The following ZEB1 variants were observed in gnomAD, a reference collection of about 807,000 sequenced individuals.
ZEB1 encodes zinc finger E-box binding homeobox 1.
In ZEB1, 21 loss-of-function variants were observed where a neutral mutation model predicts 84.9. The observed-to-expected ratio is 0.25, with a 90% CI of 0.18 to 0.36. ZEB1 has a LOEUF of 0.36. Ranked by LOEUF, ZEB1 falls within the 10% of genes least tolerant of loss-of-function variation. The pLI is 1.00. For synonymous variants in ZEB1, 420 were observed against 471.1 expected, an observed-to-expected ratio of 0.89 and a Z score of 1.41; for missense variants, 1,104 against 1,330.2, an observed-to-expected ratio of 0.83 and a Z score of 2.65.
At chr10:31,472,131 C>G (rs1015193316) in intron 2 of ZEB1, among the ~76,000 whole-genome samples, 25 of 151,138 alleles carry the variant, frequency 1.7e-4, no homozygotes, top group Non-Finnish European at 2.9e-4. Flanking sequence ...AATTGACACC[C>G]TAACATCACA....
intron 1 of ZEB1, among the ~76,000 whole-genome samples, chr10:31,441,971 T>C (rs2059053049): frequency 6.6e-6 from 1 of 152,196 alleles, no homozygotes; most frequent in Admixed American, 6.5e-5. Flanking sequence ...GACTGTAAAC[T>C]AGTTCAACCA....
At chr10:31,466,058 G>A (rs1275509747) in intron 2 of ZEB1, among the ~76,000 whole-genome samples, 1 of 152,196 alleles carries the variant, frequency 6.6e-6, no homozygotes, top group Non-Finnish European at 1.5e-5. Context: ...TAATGATAAA[G>A]AGGTCAATTT....
At chr10:31,330,695 T>C (rs535098236) in intron 1 of ZEB1, among the ~76,000 whole-genome samples, 4 of 152,328 alleles carry the variant, frequency 2.6e-5, no homozygotes, top group South Asian at 2.1e-4. Context: ...CACTTTGTTA[T>C]AGCTAAAGAA....
At position 31,407,142 on chromosome 10, in the gene ZEB1, T is replaced by A. The variant is rs1200475413; in HGVS notation, c.59-53895T>A. On this transcript the variant is annotated intron_variant, in intron 1 of 8. Coordinates refer to ENST00000424869, the MANE Select transcript of ZEB1 (RefSeq NM_001174096.2). ...TAAGTTTTAGGGTACATGTGCACAA[T>A]GTGCAGGTTAGTTACATATGTATAC... Among the ~76,000 whole-genome samples, 36 of 151,690 alleles carry A rather than the reference T, an allele frequency of 2.4e-4. 1 individual carries two copies. The East Asian group carries it at 6.4e-3, about 27-fold the overall frequency.
intron 1 of ZEB1, among the ~76,000 whole-genome samples, chr10:31,371,899 C>A (rs1001656735): frequency 5.9e-5 from 9 of 152,124 alleles, no homozygotes; most frequent in African/African-American, 2.2e-4. Flanking sequence ...TTCTCTTAAT[C>A]ATAAGTGGAT....
rs574008463 is a variant in ZEB1 at position 31,397,022 on chromosome 10, T to A, written c.59-64015T>A. On this transcript the variant is annotated intron_variant, in intron 1 of 8. Transcript: ENST00000424869. ...TTTTTTATTTTTTATTATTATTATT[T>A]TTTTTTTTGTAGAGATGGAGTCTCG... is the stretch of plus-strand genomic sequence containing the variant. 7.2e-4 allele frequency among the ~76,000 whole-genome samples: 108 copies of A among 149,416 alleles called. 1 individual carries two copies. The highest frequency in any genetic ancestry group is 9.5e-4 in the African/African-American group (39 of 41,180).
At chr10:31,318,433 G>T (rs903211514), upstream of ZEB1, 1 of 152,466 alleles carries the variant, frequency 6.6e-6, no homozygotes, top group Admixed American at 6.5e-5. Flanking sequence ...CTCTACTAAG[G>T]AGGCTGCTGG....
chr10:31,402,748 G>T (rs1276179588), intron 1 of ZEB1, among the ~76,000 whole-genome samples: 3 of 151,920 alleles, frequency 2.0e-5, no homozygotes, highest in Non-Finnish European at 4.4e-5. Context: ...GCTCAGTCTT[G>T]AGTCTGTTGG....
At chr10:31,329,823 T>C (rs750930024) in intron 1 of ZEB1, among the ~76,000 whole-genome samples, 37 of 152,188 alleles carry the variant, frequency 2.4e-4, no homozygotes, top group Admixed American at 2.4e-3. Context: ...TTTTGGTGTA[T>C]GTATTGGCCA....
chr10:31,319,574 G>A (rs1354866813), intron 1 of ZEB1: 1 of 407,720 alleles, frequency 2.5e-6, no homozygotes, highest in Non-Finnish European at 4.3e-6. Context: ...ACCGTTAGCC[G>A]GCGCCGACGC....
intron 2 of ZEB1, among the ~76,000 whole-genome samples, chr10:31,485,984 CAT>C (rs1554901844): frequency 6.6e-6 from 1 of 151,844 alleles, no homozygotes; most frequent in Non-Finnish European, 1.5e-5. Context: ...CAACATGAAA[CAT>C]AATCTGTGTC....
intron 4 of ZEB1, 97 bp downstream of exon 4, chr10:31,502,606 C>G: frequency 6.7e-7 from 1 of 1,501,888 alleles, no homozygotes; most frequent in Non-Finnish European, 9.2e-7. Flanking sequence ...AGGGAACATT[C>G]TTGAAGACCA....
rs1181318721 is a variant in ZEB1, at chr10:31,461,083, T to A, written c.105T>A (p.Asp35Glu). ...TAGAAACAAATTCAGATTCAGATGA[T>A]GAAGACAAACTGCATATTGTGGAAG... ...TVVETNSDSD[D>E]EDKLHIVEEE... The change falls in exon 2 of 9, where the codon GAT (aspartate) becomes GAA (glutamate). Residue 35 changes from aspartate to glutamate, a missense_variant. This residue lies in a region of ZEB1 where 162 missense variants were observed against 184.5 expected (regional missense o/e 0.88). Transcript: ENST00000424869. 5 of 1,613,294 alleles carry A rather than the reference T, an allele frequency of 3.1e-6. No individual in the cohort carries two copies. The South Asian group carries it at 4.4e-5, about 14-fold the overall frequency.
At chr10:31,476,832 G>T in intron 2 of ZEB1, among the ~76,000 whole-genome samples, 1 of 152,072 alleles carries the variant, frequency 6.6e-6, no homozygotes, top group South Asian at 2.1e-4. Flanking sequence ...ATCAATAGAT[G>T]CAGAAGAGGC....
intron 1 of ZEB1, among the ~76,000 whole-genome samples, chr10:31,449,379 C>T (rs192120182): frequency 1.3e-5 from 2 of 152,210 alleles, no homozygotes; most frequent in South Asian, 2.1e-4. Context: ...TCTTCTGCGT[C>T]GCTCACGCTG....
intron 1 of ZEB1, among the ~76,000 whole-genome samples, chr10:31,336,627 C>A (rs1232566479): frequency 6.6e-6 from 1 of 152,068 alleles, no homozygotes; most frequent in African/African-American, 2.4e-5. Flanking sequence ...TCAAAATCTA[C>A]CACCCAGGGA....
chr10:31,431,713 T>C (rs2057735047), intron 1 of ZEB1, among the ~76,000 whole-genome samples: 1 of 152,200 alleles, frequency 6.6e-6, no homozygotes, highest in African/African-American at 2.4e-5. Context: ...TATTTATGGA[T>C]ATAATCTAAT....
intron 1 of ZEB1, among the ~76,000 whole-genome samples, chr10:31,384,273 A>G (rs889151187): frequency 6.6e-6 from 1 of 151,960 alleles, no homozygotes; most frequent in African/African-American, 2.4e-5. Context: ...ACTGCGCATG[A>G]CCTACACCAG....
chr10:31,474,630 A>C (rs1006627696), intron 2 of ZEB1, among the ~76,000 whole-genome samples: 1 of 152,200 alleles, frequency 6.6e-6, no homozygotes, highest in African/African-American at 2.4e-5. Flanking sequence ...AAACTAGTTC[A>C]ACCATTGTGG....
Sources: gnomAD v4.1 joint callset for allele counts (sites outside exome capture counted in the v4.1 genomes callset) on GRCh38, gnomAD v4.1.1 for gene constraint, gnomAD v4.1.1 regional missense constraint, MANE v1.5 for transcripts, NCBI Gene and HGNC (gene_info 2026-07-23, HGNC 2026-07-21) for gene names.